The following RETN variants were observed in gnomAD, a reference collection of about 807,000 sequenced individuals.
RETN encodes the protein C/EBP-epsilon regulated myeloid-specific secreted cysteine-rich protein precursor 1.
In RETN, 5 loss-of-function variants were observed where a neutral mutation model predicts 6.1. The observed-to-expected ratio is 0.82, with a 90% confidence interval of 0.43 to 1.73. The LOEUF is 1.73. Ranked by LOEUF, RETN falls within the 40% of genes most tolerant of loss-of-function variation. The pLI is 0.02. For missense variants in RETN, 168 were observed against 142.5 expected (o/e 1.18, Z -0.91); for synonymous variants, 62 against 59.2 (o/e 1.05, Z -0.22).
At position 7,669,874 on chromosome 19, in the gene RETN, G is replaced by A. The variant is rs760260537; in HGVS notation, c.172G>A (p.Gly58Arg). Residue 58 changes from glycine (G) to arginine (R), a missense_variant, in exon 3 of 4, where the codon GGG becomes AGG. Gly to Arg is a moderately radical substitution (Grantham distance 125, BLOSUM62 -2). Transcript: ENST00000221515. Reference sequence around the variant, plus strand: ...GGAGTGCCAGAGCGTCACCTCCAGGGGGGACCTGGCTACTTGCCCCCGAGG... The same window carrying A: ...GGAGTGCCAGAGCGTCACCTCCAGGAGGGACCTGGCTACTTGCCCCCGAGG... The part of the protein sequence containing the change: ...GLECQSVTSR[G>R]DLATCPRGFA... 2 of 1,613,970 alleles carry A rather than the reference G, an allele frequency of 1.2e-6. No homozygotes were observed. Among genetic ancestry groups the A allele is most frequent in the African/African-American group, 2.7e-5 (2 of 74,898 alleles).
intron 3 of RETN, among the ~76,000 whole-genome samples, 158 bp downstream of exon 3, chr19:7,670,056 A>G (rs1444446030): frequency 6.7e-6 from 1 of 149,748 alleles, no homozygotes; most frequent in East Asian, 2.0e-4. Flanking sequence ...ACTGGTGTCC[A>G]CCCTCACTCC....
chr19:7,669,360 C>T lies in RETN; in HGVS notation c.34C>T (p.Leu12=). 6.2e-7 allele frequency: 1 copy of T among 1,614,002 alleles called. No individual in the cohort carries two copies. Among genetic ancestry groups the T allele is most frequent in the South Asian group, 1.1e-5 (1 of 91,070 alleles). ...TCTCTGTCTCCTCCTCCTCCCTGTCCTGGGGCTGTTGGTGTCTAGCAAGAC... is the reference window on the plus strand; with the variant it reads ...TCTCTGTCTCCTCCTCCTCCCTGTCTTGGGGCTGTTGGTGTCTAGCAAGAC... ...KALCLLLLPV[L]GLLVSSKTLC... The change falls in exon 2 of 4, where the codon CTG becomes TTG. Residue 12 remains leucine, a synonymous_variant. Coordinates refer to ENST00000221515, the MANE Select transcript of RETN (RefSeq NM_020415.4).
Position 7,670,409 on chromosome 19 carries a change from G to A in RETN, c.*60G>A. 12 of 1,505,038 alleles carry A rather than the reference G, an allele frequency of 8.0e-6. No homozygotes were observed. Among genetic ancestry groups the A allele is most frequent in the East Asian group, 2.5e-5 (1 of 40,280 alleles). 93.2% of individuals were successfully genotyped at this position (1,505,038 alleles called of 1,614,324 possible). ...GCGGCTCCAGGTCCGGAGGGGTTGC[G>A]GGGGAGCTGGAAATAAACCTGGAGA... On this transcript the variant is annotated 3_prime_UTR_variant, in exon 4 of 4. Transcript: ENST00000221515.
chr19:7,669,970 A>G (rs1260807772), intron 3 of RETN, 72 bp downstream of exon 3: 25 of 1,182,682 alleles, frequency 2.1e-5, no homozygotes, highest in Non-Finnish European at 2.5e-6. Context: ...CCTCCCCGCC[A>G]CGTTCCCCGT....
chr19:7,669,466 A>T, intron 2 of RETN, 22 bp downstream of exon 2: 1 of 1,553,714 alleles, frequency 6.4e-7, no homozygotes, highest in Non-Finnish European at 8.9e-7. Flanking sequence ...CCACTTGGGC[A>T]AGCTCCCCAA....
chr19:7,670,077 T>C, intron 3 of RETN, 142 bp from the exon 4 acceptor site: 1 of 1,030,198 alleles, frequency 9.7e-7, no homozygotes, highest in Non-Finnish European at 1.4e-6. Context: ...CTGCCTCCAG[T>C]GCCCATTCAG....
rs2032479155 is a variant in RETN, at chr19:7,670,283, C to T, written c.261C>T (p.Thr87=). Residue 87 remains threonine (T), a synonymous_variant, in exon 4 of 4, where the codon ACC becomes ACT. Transcript: ENST00000221515. ...GCTCGTGGGATGTGCGCGCCGAGAC[C>T]ACATGTCACTGCCAGTGCGCGGGCA... ...ACGSWDVRAE[T]TCHCQCAGMD... 1 of 1,595,426 alleles carries T rather than the reference C, an allele frequency of 6.3e-7. No homozygotes were observed. Among genetic ancestry groups the T allele is most frequent in the Admixed American group, 1.7e-5 (1 of 58,852 alleles).
At chr19:7,669,756 G>T (rs982339188) in intron 2 of RETN, 65 bp from the exon 3 acceptor site, 42 of 1,437,792 alleles carry the variant, frequency 2.9e-5, no homozygotes, top group Non-Finnish European at 3.7e-5. Flanking sequence ...CAGGGCTAGG[G>T]GAGGATGGGG....
intron 2 of RETN, among the ~76,000 whole-genome samples, 181 bp from the exon 3 acceptor site, chr19:7,669,640 C>T (rs1270414786): frequency 6.6e-6 from 1 of 152,144 alleles, no homozygotes; most frequent in Non-Finnish European, 1.5e-5. Flanking sequence ...CAAACCCAAT[C>T]CCCGCTCTCA....
chr19:7,670,118 A>T (rs1007617145), intron 3 of RETN, 101 bp from the exon 4 acceptor site: 2 of 288,444 alleles, frequency 6.9e-6, no homozygotes, highest in Non-Finnish European at 1.2e-5. Flanking sequence ...CCCCGTCCCC[A>T]CCCCCGCCCC....
intron 2 of RETN, 116 bp from the exon 3 acceptor site, chr19:7,669,705 C>G: frequency 1.1e-6 from 1 of 893,780 alleles, no homozygotes; most frequent in Admixed American, 2.0e-5. Context: ...TCCTGGAGGC[C>G]AGTGAGCTCC....
chr19:7,669,145 T>A, intron 1 of RETN, 24 bp downstream of exon 1: 1 of 608,094 alleles, frequency 1.6e-6, no homozygotes, highest in East Asian at 2.7e-5. Flanking sequence ...GCTCCTGCGC[T>A]TGCCATGGCA....
chr19:7,669,534 G>A (rs1329893956), intron 2 of RETN, 90 bp downstream of exon 2: 42 of 947,764 alleles, frequency 4.4e-5, no homozygotes, highest in Middle Eastern at 4.5e-4. Context: ...CAGCCCCAGC[G>A]CTCACCAAAT....
Position 7,669,167 on chromosome 19 carries a change from GC to G in RETN, c.-11+47del, listed in dbSNP as rs1284417793. ...CGCTTGCCATGGCACCAGCGGGGAG[GC>G]TGGGGTCAAGGCTGAGCCTCCATCC... is the stretch of plus-strand genomic sequence containing the variant. On this transcript the variant is annotated intron_variant, in intron 1 of 3. Coordinates refer to ENST00000221515, the MANE Select transcript of RETN (RefSeq NM_020415.4). The G allele has an allele frequency of 3.5e-5, 23 of 650,894 alleles. No individual in the cohort carries two copies. In the African/African-American group the frequency reaches 4.0e-4, roughly 11 times the overall value. 40.3% of individuals were successfully genotyped at this position (650,894 alleles called of 1,614,324 possible). A position where few individuals can be genotyped will look rare whatever the true frequency, so the allele number is the denominator to read the frequency against.
At position 7,670,412 on chromosome 19, in the gene RETN, G is replaced by A; in HGVS notation, c.*63G>A. 1 of 1,504,846 alleles carries A rather than the reference G, an allele frequency of 6.6e-7. No homozygotes were observed. Among genetic ancestry groups the A allele is most frequent in the Admixed American group, 2.1e-5 (1 of 48,262 alleles). The allele number at this position is 1,504,846 out of a possible 1,614,324, so 93.2% of individuals were successfully genotyped here. On this transcript the variant is annotated 3_prime_UTR_variant, in exon 4 of 4. Transcript: ENST00000221515. ...GCTCCAGGTCCGGAGGGGTTGCGGG[G>A]GAGCTGGAAATAAACCTGGAGATGA...
chr19:7,670,287 T>A lies in RETN; in HGVS notation c.265T>A (p.Cys89Ser), dbSNP rs1305512947. 6.3e-7 allele frequency: 1 copy of A among 1,594,196 alleles called. No individual in the cohort carries two copies. Among genetic ancestry groups the A allele is most frequent in the East Asian group, 2.3e-5 (1 of 44,436 alleles). ...GSWDVRAETT[C>S]HCQCAGMDWT... ...GTGGGATGTGCGCGCCGAGACCACA[T>A]GTCACTGCCAGTGCGCGGGCATGGA... The change falls in exon 4 of 4, where the codon TGT becomes AGT. Residue 89 changes from cysteine to serine, a missense_variant. Coordinates refer to ENST00000221515, the MANE Select transcript of RETN (RefSeq NM_020415.4).
Position 7,670,224 on chromosome 19 carries a change from G to A in RETN, c.202G>A (p.Ala68Thr). 1 of 1,602,166 alleles carries A rather than the reference G, an allele frequency of 6.2e-7. No individual in the cohort carries two copies. The highest frequency in any genetic ancestry group is 8.5e-7 in the Non-Finnish European group (1 of 1,178,434). ...GDLATCPRGF[A>T]VTGCTCGSAC... is the part of the protein sequence containing the mutation. ...TCCTGTGTTCCGGGCTGCAGGCTTCGCCGTCACCGGCTGCACTTGTGGCTC... is the reference window on the plus strand; with the variant it reads ...TCCTGTGTTCCGGGCTGCAGGCTTCACCGTCACCGGCTGCACTTGTGGCTC... Residue 68 changes from alanine to threonine, a missense_variant, in exon 4 of 4, where the codon GCC becomes ACC. Transcript: ENST00000221515.
intron 3 of RETN, 28 bp from the exon 4 acceptor site, chr19:7,670,172 CTCAGCCTCCCAGCTCAGAG>C (rs1207580991): frequency 6.6e-7 from 1 of 1,518,192 alleles, no homozygotes; most frequent in Non-Finnish European, 8.9e-7. Context: ...CGCTCCCACC[CTCAGCCTCCCAGCTCAGAG>C]TCCACGCTCC....
In RETN at chr19:7,669,373, T is replaced by C. The variant is rs1319283461; in HGVS notation, c.47T>C (p.Val16Ala). The C allele has an allele frequency of 6.2e-7, 1 of 1,613,840 alleles. No individual in the cohort carries two copies. Among genetic ancestry groups the C allele is most frequent in the East Asian group, 2.2e-5 (1 of 44,862 alleles). ...LLLLPVLGLLVSSKTLCSMEE... is the reference protein window; with the variant it reads ...LLLLPVLGLLASSKTLCSMEE... ...CTCCTCCCTGTCCTGGGGCTGTTGG[T>C]GTCTAGCAAGACCCTGTGCTCCATG... is the stretch of plus-strand genomic sequence containing the variant. The change falls in exon 2 of 4, where the codon GTG (valine) becomes GCG (alanine). Residue 16 changes from valine (V) to alanine (A), a missense_variant. Physicochemically the swap from Val to Ala is moderately conservative, Grantham distance 64 (BLOSUM62 0). Transcript: ENST00000221515.
Sources: allele counts gnomAD v4.1 joint callset (sites outside exome capture counted in the v4.1 genomes callset), GRCh38; gene constraint gnomAD v4.1.1; transcripts MANE v1.5; gene names NCBI Gene and HGNC (gene_info 2026-07-23, HGNC 2026-07-21).